Variants in TBC1D22A observed in about 807,000 individuals in gnomAD.
The protein encoded by TBC1D22A is putative GTPase activator.
A neutral mutation model predicts 60.2 loss-of-function variants in TBC1D22A; 38 were observed. That is an observed-to-expected ratio of 0.63 (90% confidence interval 0.49 to 0.83). The LOEUF (loss-of-function observed/expected upper bound fraction) is 0.83. Ranked by LOEUF, TBC1D22A falls within the 40% of genes least tolerant of loss-of-function variation. TBC1D22A has a pLI of 0.00. For missense variants in TBC1D22A, 628 were observed against 701.0 expected (o/e 0.90, Z 1.18); for synonymous variants, 302 against 281.7 (o/e 1.07, Z -0.72).
At chr22:47,049,164 T>G (rs908908830) in intron 11 of TBC1D22A, among the ~76,000 whole-genome samples, 2 of 152,228 alleles carry the variant, frequency 1.3e-5, no homozygotes, top group Non-Finnish European at 2.9e-5. Context: ...GTGCTCTTCC[T>G]TTCCAGGCCC....
At chr22:47,000,537 C>G (rs1414379690) in intron 10 of TBC1D22A, among the ~76,000 whole-genome samples, 1 of 152,134 alleles carries the variant, frequency 6.6e-6, no homozygotes, top group Non-Finnish European at 1.5e-5. Context: ...ATGGAAGCCG[C>G]GTGGAAAGGA....
intron 8 of TBC1D22A, among the ~76,000 whole-genome samples, chr22:46,919,734 T>TTTC (rs2070624446): frequency 4.1e-5 from 6 of 147,030 alleles, no homozygotes; most frequent in Admixed American, 2.0e-4. Flanking sequence ...TTTCACTCTT[T>TTTC]TTTTTTTTTT....
At chr22:46,880,211 C>T (rs1456078098) in intron 5 of TBC1D22A, among the ~76,000 whole-genome samples, 1 of 152,236 alleles carries the variant, frequency 6.6e-6, no homozygotes, top group Non-Finnish European at 1.5e-5. Context: ...AGACATGAGA[C>T]ATCCATCAGT....
At position 46,814,473 on chromosome 22, in the gene TBC1D22A, A is replaced by G. The variant is rs545746120; in HGVS notation, c.637+16853A>G. 4.6e-5 allele frequency among the ~76,000 whole-genome samples: 7 copies of G among 152,276 alleles called. No individual in the cohort carries two copies. The South Asian group carries it at 1.2e-3, about 27-fold the overall frequency. ...GCCTGCTGTGCAACCTGCCAAGACC[A>G]GTCTCAGGAAGAAAGATAAAAACCC... On this transcript the variant is annotated intron_variant, in intron 4 of 12. Transcript: ENST00000337137.
intron 10 of TBC1D22A, among the ~76,000 whole-genome samples, chr22:47,012,725 A>G (rs2061789980): frequency 2.0e-5 from 3 of 152,236 alleles, no homozygotes; most frequent in Admixed American, 2.0e-4. Flanking sequence ...GCCTTCAGGT[A>G]GGACCACACT....
intron 3 of TBC1D22A, among the ~76,000 whole-genome samples, chr22:46,797,027 T>C (rs1254917893): frequency 6.6e-6 from 1 of 152,132 alleles, no homozygotes; most frequent in Non-Finnish European, 1.5e-5. Context: ...CTTTCTCCTT[T>C]CCCTCATGGT....
chr22:46,802,090 G>A (rs1001520375), intron 4 of TBC1D22A, among the ~76,000 whole-genome samples: 10 of 152,192 alleles, frequency 6.6e-5, no homozygotes, highest in Admixed American at 3.9e-4. Context: ...TACCTGTTTC[G>A]TCAGCTGTAG....
chr22:47,010,873 A>G (rs1242543515), intron 10 of TBC1D22A, among the ~76,000 whole-genome samples: 1 of 152,188 alleles, frequency 6.6e-6, no homozygotes, highest in Non-Finnish European at 1.5e-5. Flanking sequence ...TGTAAACCCA[A>G]AAATAATATA....
intron 4 of TBC1D22A, among the ~76,000 whole-genome samples, chr22:46,802,218 G>C (rs190258204): frequency 1.3e-5 from 2 of 152,308 alleles, no homozygotes; most frequent in Admixed American, 1.3e-4. Context: ...GGGAGGAATC[G>C]GCGGCGAGGC....
At chr22:47,029,250 C>G (rs912640153) in intron 10 of TBC1D22A, among the ~76,000 whole-genome samples, 1 of 151,388 alleles carries the variant, frequency 6.6e-6, no homozygotes, top group Non-Finnish European at 1.5e-5. Flanking sequence ...CACAGCGCTT[C>G]CATACCCCTT....
intron 9 of TBC1D22A, among the ~76,000 whole-genome samples, chr22:46,976,394 G>A (rs2074296349): frequency 6.6e-6 from 1 of 152,192 alleles, no homozygotes; most frequent in Non-Finnish European, 1.5e-5. Flanking sequence ...AGCAAGAGTT[G>A]AGGGATGTCA....
At chr22:47,150,190 G>A (rs1398717935) in intron 12 of TBC1D22A, among the ~76,000 whole-genome samples, 1 of 152,148 alleles carries the variant, frequency 6.6e-6, no homozygotes, top group Non-Finnish European at 1.5e-5. Flanking sequence ...AAACGCCCCT[G>A]AGATCAGTGG....
At chr22:46,858,006 T>C (rs576949089) in intron 4 of TBC1D22A, among the ~76,000 whole-genome samples, 8 of 152,338 alleles carry the variant, frequency 5.3e-5, no homozygotes, top group Non-Finnish European at 1.0e-4. Flanking sequence ...GTGGCGCTGC[T>C]GGCTCACGTG....
At chr22:46,854,116 C>G (rs749425789) in intron 4 of TBC1D22A, among the ~76,000 whole-genome samples, 1 of 152,242 alleles carries the variant, frequency 6.6e-6, no homozygotes, top group African/African-American at 2.4e-5. Context: ...CTCTGCCTGT[C>G]TTTCCGCACC....
intron 8 of TBC1D22A, among the ~76,000 whole-genome samples, chr22:46,956,762 T>A (rs1481422705): frequency 3.3e-5 from 5 of 151,954 alleles, no homozygotes; most frequent in Non-Finnish European, 7.4e-5. Context: ...GGCCGAGGGG[T>A]GTGAGTGAGG....
At chr22:46,982,010 G>A (rs2074532521) in intron 9 of TBC1D22A, among the ~76,000 whole-genome samples, 1 of 152,196 alleles carries the variant, frequency 6.6e-6, no homozygotes, top group Non-Finnish European at 1.5e-5. Context: ...TTAGCAGATT[G>A]AGAAGAGCAT....
chr22:47,073,518 C>T (rs1425604168), intron 11 of TBC1D22A, among the ~76,000 whole-genome samples: 1 of 152,100 alleles, frequency 6.6e-6, no homozygotes, highest in Admixed American at 6.5e-5. Flanking sequence ...CATGAAGCCT[C>T]ATAAATATAT....
intron 12 of TBC1D22A, among the ~76,000 whole-genome samples, chr22:47,154,189 G>T (rs2067620744): frequency 6.6e-6 from 1 of 152,134 alleles, no homozygotes; most frequent in African/African-American, 2.4e-5. Flanking sequence ...CATGTCCCCG[G>T]AGCAGGGCGG....
At chr22:46,857,418 T>G (rs540163723) in intron 4 of TBC1D22A, among the ~76,000 whole-genome samples, 2 of 152,250 alleles carry the variant, frequency 1.3e-5, no homozygotes, top group Admixed American at 1.3e-4. Context: ...TTCTGAGAGC[T>G]GCCTTTCTGA....
Sources: allele counts gnomAD v4.1 joint callset (sites outside exome capture counted in the v4.1 genomes callset), GRCh38; gene constraint gnomAD v4.1.1; transcripts MANE v1.5; gene names NCBI Gene and HGNC (gene_info 2026-07-23, HGNC 2026-07-21).